The following AFDN variants were observed in gnomAD, a reference collection of about 807,000 sequenced individuals.
The protein encoded by AFDN is afadin, adherens junction formation factor.
Under a neutral mutation model 216.6 loss-of-function variants are expected in AFDN, and 68 were observed. That is an observed-to-expected ratio of 0.31 (90% confidence interval 0.26 to 0.38). AFDN has a LOEUF of 0.38. Among genes scored for constraint, AFDN ranks in the 10% least tolerant of loss-of-function variants. AFDN has a pLI of 1.00. For synonymous variants in AFDN, 868 were observed against 853.7 expected (o/e 1.02, Z -0.29); for missense variants, 2,136 against 2,342.0 (o/e 0.91, Z 1.82).
chr6:167,923,017 T>C, intron 22 of AFDN, 58 bp downstream of exon 22: 1 of 1,226,878 alleles, frequency 8.2e-7, no homozygotes, highest in Non-Finnish European at 1.2e-6. Flanking sequence ...GAAGATGTGA[T>C]GCAGATTTGT....
At chr6:167,964,127 G>A (rs560745264) in intron 31 of AFDN, 1 of 1,064,218 alleles carries the variant, frequency 9.4e-7, no homozygotes, top group African/African-American at 1.6e-5. Flanking sequence ...CATAACTCAT[G>A]ATTATTTGAA....
intron 23 of AFDN, among the ~76,000 whole-genome samples, chr6:167,929,443 G>A (rs1396633162): frequency 6.6e-6 from 1 of 152,202 alleles, no homozygotes; most frequent in East Asian, 1.9e-4. Context: ...GATTGGGGAT[G>A]TGTCTGATGT....
chr6:167,943,800 C>A (rs1255679402), intron 25 of AFDN, 141 bp from the exon 26 acceptor site: 1 of 717,296 alleles, frequency 1.4e-6, no homozygotes, highest in Non-Finnish European at 2.3e-6. Context: ...AGTGAGTAAG[C>A]TGTCTGGAAG....
chr6:167,918,972 A>T, intron 21 of AFDN, 39 bp downstream of exon 21: 1 of 1,550,434 alleles, frequency 6.4e-7, no homozygotes, highest in Non-Finnish European at 8.8e-7. Context: ...GCTACGCCCC[A>T]GGTTGAAGCG....
intron 9 of AFDN, among the ~76,000 whole-genome samples, chr6:167,895,443 A>G (rs1447054894): frequency 6.6e-6 from 1 of 152,214 alleles, no homozygotes; most frequent in Non-Finnish European, 1.5e-5. Flanking sequence ...TTGAAAATAA[A>G]TGTTTCAACA....
chr6:167,857,053 TCA>T (rs1782981208), intron 1 of AFDN, among the ~76,000 whole-genome samples: 1 of 152,126 alleles, frequency 6.6e-6, no homozygotes, highest in South Asian at 2.1e-4. Context: ...TTATTTATAC[TCA>T]CACTGTAAAA....
chr6:167,910,231 C>T (rs1334893451), intron 13 of AFDN, among the ~76,000 whole-genome samples: 1 of 152,198 alleles, frequency 6.6e-6, no homozygotes, highest in Non-Finnish European at 1.5e-5. Flanking sequence ...TTACATTGTG[C>T]TCTGGTGAAC....
intron 1 of AFDN, chr6:167,827,635 G>A (rs1779305791): frequency 6.7e-6 from 1 of 149,268 alleles, no homozygotes; most frequent in Admixed American, 6.6e-5. Flanking sequence ...CAGCCCGGTT[G>A]TGGCTCGCGG....
intron 16 of AFDN, 113 bp downstream of exon 16, chr6:167,913,536 A>G: frequency 2.1e-6 from 2 of 956,984 alleles, no homozygotes; most frequent in South Asian, 1.5e-5. Context: ...CATAACACTC[A>G]TTCAGCAACT....
chr6:167,852,846 T>C (rs1469312232), intron 1 of AFDN, among the ~76,000 whole-genome samples: 2 of 152,192 alleles, frequency 1.3e-5, no homozygotes, highest in East Asian at 1.9e-4. Context: ...TTTCTGCTGG[T>C]ATTCAGATTG....
At chr6:167,839,924 G>T (rs896566932) in intron 1 of AFDN, among the ~76,000 whole-genome samples, 1 of 152,184 alleles carries the variant, frequency 6.6e-6, no homozygotes, top group Non-Finnish European at 1.5e-5. Context: ...CTGCAGCAGA[G>T]ATGTGTCCTC....
intron 24 of AFDN, 67 bp from the exon 25 acceptor site, chr6:167,943,335 C>G (rs901824701): frequency 4.0e-6 from 6 of 1,508,334 alleles, no homozygotes; most frequent in Non-Finnish European, 3.7e-6. Context: ...TCATCATTAC[C>G]TTTTCTTCCT....
chr6:167,935,890 T>A lies in AFDN; in HGVS notation c.3100-7239T>A, dbSNP rs143547864. Among the ~76,000 whole-genome samples, 655 of 152,302 alleles carry A rather than the reference T, an allele frequency of 4.3e-3. 8 individuals are homozygous for A. Among genetic ancestry groups the A allele is most frequent in the African/African-American group, 0.015 (618 of 41,546 alleles). ...ATCTGCATAATTGTAAATGTGTTGC[T>A]AGTACCTATCATTACTCATAACAAA... On this transcript the variant is annotated intron_variant, in intron 23 of 33. Coordinates refer to ENST00000683244, the MANE Select transcript of AFDN (RefSeq NM_001386888.1).
chr6:167,969,723 A>G, intron 33 of AFDN, 59 bp from the exon 34 acceptor site: 1 of 1,526,008 alleles, frequency 6.6e-7, no homozygotes, highest in South Asian at 1.2e-5. Flanking sequence ...AACGTGTGTA[A>G]TTGTTGACAG....
chr6:167,943,622 T>A, intron 25 of AFDN, 147 bp downstream of exon 25: 1 of 617,192 alleles, frequency 1.6e-6, no homozygotes. Context: ...TTTCACTTGT[T>A]ATCAAATTAT....
chr6:167,842,469 G>A (rs1456659921), intron 1 of AFDN, among the ~76,000 whole-genome samples: 2 of 152,108 alleles, frequency 1.3e-5, no homozygotes, highest in African/African-American at 4.8e-5. Flanking sequence ...GACTCTAGCT[G>A]ACATAATATA....
At chr6:167,959,011 T>TA (rs1263355332) in intron 30 of AFDN, among the ~76,000 whole-genome samples, 1 of 152,230 alleles carries the variant, frequency 6.6e-6, no homozygotes, top group Non-Finnish European at 1.5e-5. Flanking sequence ...GAAATATGTA[T>TA]TAAAACCAAC....
chr6:167,958,864 G>A (rs1796773129), intron 30 of AFDN, among the ~76,000 whole-genome samples: 1 of 152,202 alleles, frequency 6.6e-6, no homozygotes, highest in South Asian at 2.1e-4. Flanking sequence ...CTATCTGGGG[G>A]AAGTCAGACT....
In AFDN at chr6:167,962,616, G is replaced by A. The variant is rs374360014; in HGVS notation, c.4968+49G>A. ...AGAATTTTACCAAGTTAGCCTGAAC[G>A]TAATCGATTGGCTGGGGCAGAGCGG... On this transcript the variant is annotated intron_variant, in intron 31 of 33. Coordinates refer to ENST00000683244, the MANE Select transcript of AFDN (RefSeq NM_001386888.1). This position sits in a 1 kb window ranked among gnomAD's most constrained non-coding sequence, Gnocchi z 5.2. 7.9e-5 allele frequency: 128 copies of A among 1,612,042 alleles called. 1 individual carries two copies. In the South Asian group the frequency reaches 1.0e-3, roughly 13 times the overall value.
Sources: gnomAD v4.1 joint callset for allele counts (sites outside exome capture counted in the v4.1 genomes callset) on GRCh38, gnomAD v4.1.1 for gene constraint, Gnocchi (gnomAD v3.1) non-coding constraint, MANE v1.5 for transcripts, NCBI Gene and HGNC (gene_info 2026-07-23, HGNC 2026-07-21) for gene names.